LRP1B: variants seen among roughly 807,000 people sequenced by gnomAD.
LRP1B encodes LDL receptor related protein 1B.
Under a neutral mutation model 556.6 loss-of-function variants are expected in LRP1B, and 217 were observed. The observed-to-expected ratio is 0.39, with a 90% CI of 0.35 to 0.44. The LOEUF is 0.44. LRP1B is among the 20% of genes least tolerant of loss of function. LRP1B has a pLI of 1.00. For missense variants in LRP1B, 5,053 were observed against 5,620.8 expected, an observed-to-expected ratio of 0.90 and a Z score of 3.23; for synonymous variants, 2,047 against 1,865.8, an observed-to-expected ratio of 1.10 and a Z score of -2.50.
chr2:140,918,325 C>A (rs537504909), intron 21 of LRP1B, among the ~76,000 whole-genome samples: 1 of 151,830 alleles, frequency 6.6e-6, no homozygotes, highest in Admixed American at 6.6e-5. Flanking sequence ...CTTTGGTGTA[C>A]ATGGAAGAGT....
chr2:140,842,698 A>T (rs1692147546), intron 29 of LRP1B, among the ~76,000 whole-genome samples: 1 of 151,738 alleles, frequency 6.6e-6, no homozygotes, highest in Admixed American at 6.6e-5. Flanking sequence ...CAGAATCTTT[A>T]TTCCTTCTTC....
chr2:141,517,022 A>AC lies in LRP1B; in HGVS notation c.206-36490_206-36489insG, dbSNP rs561367163. Among the ~76,000 whole-genome samples, 63 of 106,910 alleles carry AC rather than the reference A, an allele frequency of 5.9e-4. 5 individuals are homozygous for AC. The highest frequency in any genetic ancestry group is 1.7e-3 in the South Asian group (5 of 2,964). 70.1% of individuals were successfully genotyped at this position (106,910 alleles called of 152,430 possible). A position where few individuals can be genotyped will look rare whatever the true frequency, so the allele number is the denominator to read the frequency against. On this transcript the variant is annotated intron_variant, in intron 2 of 90. Coordinates refer to ENST00000389484, the MANE Select transcript of LRP1B (RefSeq NM_018557.3). ...CGTCTCTTAAAAAAAAAAAAAAAAAAAAAAAAAAAAGTAAATCAATGAAAT... is the reference window on the plus strand; with the variant it reads ...CGTCTCTTAAAAAAAAAAAAAAAAAACAAAAAAAAAAGTAAATCAATGAAAT...
intron 31 of LRP1B, among the ~76,000 whole-genome samples, chr2:140,829,656 A>G (rs888134516): frequency 1.3e-5 from 2 of 152,066 alleles, no homozygotes; most frequent in African/African-American, 4.8e-5. Flanking sequence ...AGCAATGAAC[A>G]CCTACATCAA....
At chr2:140,329,391 C>T (rs562280415) in intron 79 of LRP1B, among the ~76,000 whole-genome samples, 2 of 152,152 alleles carry the variant, frequency 1.3e-5, no homozygotes, top group South Asian at 4.1e-4. Context: ...GAATTTCTTG[C>T]CAGGGCAATC....
intron 2 of LRP1B, among the ~76,000 whole-genome samples, chr2:141,553,386 A>T (rs1023926273): frequency 5.7e-4 from 87 of 151,946 alleles, no homozygotes; most frequent in African/African-American, 2.0e-3. Flanking sequence ...AGGAAAGGAA[A>T]TAAAGAGAAT....
chr2:140,519,355 T>C (rs1312210964), intron 49 of LRP1B, among the ~76,000 whole-genome samples: 3 of 152,048 alleles, frequency 2.0e-5, no homozygotes, highest in Non-Finnish European at 4.4e-5. Context: ...AAACAAGAAA[T>C]GGGGAAAGGA....
chr2:141,135,119 G>C (rs1351952836), intron 7 of LRP1B, among the ~76,000 whole-genome samples: 3 of 151,690 alleles, frequency 2.0e-5, no homozygotes, highest in African/African-American at 4.8e-5. Flanking sequence ...CTGTGTGAGA[G>C]AGATTTCTAA....
chr2:140,773,116 A>G (rs891551362), intron 33 of LRP1B, among the ~76,000 whole-genome samples: 1 of 152,024 alleles, frequency 6.6e-6, no homozygotes, highest in Non-Finnish European at 1.5e-5. Context: ...ACAAACAAAC[A>G]AAAAACAAGA....
chr2:141,131,003 A>G (rs1701335504), intron 7 of LRP1B, among the ~76,000 whole-genome samples: 1 of 152,118 alleles, frequency 6.6e-6, no homozygotes, highest in South Asian at 2.1e-4. Context: ...GGAGGGGAAC[A>G]TCACACAGGG....
intron 1 of LRP1B, among the ~76,000 whole-genome samples, chr2:141,968,223 G>A (rs1328437736): frequency 1.3e-5 from 2 of 151,578 alleles, no homozygotes; most frequent in Non-Finnish European, 3.0e-5. Context: ...ACAACATCCC[G>A]GCAAAAAGCC....
At chr2:141,586,941 C>CAA (rs769891211) in intron 2 of LRP1B, among the ~76,000 whole-genome samples, 7 of 71,532 alleles carry the variant, frequency 9.8e-5, no homozygotes, top group South Asian at 4.8e-4. Context: ...GACTCCATCT[C>CAA]AAAAAAAAAA....
At chr2:141,435,014 G>C (rs1680706628) in intron 3 of LRP1B, among the ~76,000 whole-genome samples, 1 of 152,100 alleles carries the variant, frequency 6.6e-6, no homozygotes, top group Non-Finnish European at 1.5e-5. Flanking sequence ...ATAGATCAGG[G>C]AGTGTTTTCC....
chr2:142,043,731 A>G (rs2105219180), intron 1 of LRP1B, among the ~76,000 whole-genome samples: 1 of 151,814 alleles, frequency 6.6e-6, no homozygotes. Flanking sequence ...TAGCTGAGAT[A>G]GTTTTATTCA....
intron 41 of LRP1B, among the ~76,000 whole-genome samples, chr2:140,658,041 T>C (rs1261843892): frequency 1.3e-5 from 2 of 152,114 alleles, no homozygotes; most frequent in Non-Finnish European, 2.9e-5. Context: ...AGAAGTAACA[T>C]CACACATTCA....
chr2:140,592,316 T>A (rs1252326625), intron 43 of LRP1B, among the ~76,000 whole-genome samples: 2 of 152,162 alleles, frequency 1.3e-5, no homozygotes, highest in Non-Finnish European at 2.9e-5. Context: ...TAGAAATTAA[T>A]TTACCTTTTC....
At chr2:141,619,573 A>G (rs1688430549) in intron 2 of LRP1B, among the ~76,000 whole-genome samples, 1 of 152,148 alleles carries the variant, frequency 6.6e-6, no homozygotes. Context: ...GTACTAGGAA[A>G]TTTTCTCTCT....
rs190331477 is a variant in LRP1B, at chr2:141,383,484, G to A, written c.343+96912C>T. ...GTAATTTTTCATCAATGGTTGAATG[G>A]ATAAAAAATATATGGTATACAGATG... On this transcript the variant is annotated intron_variant, in intron 3 of 90. Transcript: ENST00000389484. Among the ~76,000 whole-genome samples, 631 of 152,230 alleles carry A rather than the reference G, an allele frequency of 4.1e-3. 3 individuals are homozygous for A. The highest frequency in any genetic ancestry group is 0.01 in the Admixed American group (158 of 15,282).
chr2:140,351,158 C>A, intron 76 of LRP1B, 120 bp from the exon 77 acceptor site: 1 of 671,870 alleles, frequency 1.5e-6, no homozygotes. Flanking sequence ...CCTCAAAAAT[C>A]AACCAGTTTT....
At chr2:141,294,528 G>T (rs1686106016) in intron 3 of LRP1B, among the ~76,000 whole-genome samples, 1 of 151,592 alleles carries the variant, frequency 6.6e-6, no homozygotes, top group Non-Finnish European at 1.5e-5. Flanking sequence ...TTCCAGACCA[G>T]CTTGGGCAAC....
Sources: allele counts gnomAD v4.1 joint callset (sites outside exome capture counted in the v4.1 genomes callset), GRCh38; gene constraint gnomAD v4.1.1; transcripts MANE v1.5; gene names NCBI Gene and HGNC (gene_info 2026-07-23, HGNC 2026-07-21).